The following SUSD4 variants were observed in gnomAD, a reference collection of about 807,000 sequenced individuals.
The protein encoded by SUSD4 is sushi domain-containing protein 4.
SUSD4 carries 41 observed loss-of-function variants against 50.5 expected under a neutral mutation model. The observed-to-expected ratio is 0.81, with a 90% confidence interval of 0.63 to 1.05. The LOEUF (loss-of-function observed/expected upper bound fraction) is 1.05. Among genes scored for constraint, SUSD4 ranks in the 50% least tolerant of loss-of-function variants. The pLI is 0.00. For missense variants in SUSD4, 580 were observed against 634.7 expected (o/e 0.91, Z 0.93); for synonymous variants, 257 against 257.3 (o/e 1.00, Z 0.01).
chr1:223,348,973 C>T (rs1460189983), intron 2 of SUSD4, among the ~76,000 whole-genome samples: 1 of 151,986 alleles, frequency 6.6e-6, no homozygotes, highest in Non-Finnish European at 1.5e-5. Context: ...AGCTCAGAAG[C>T]TCTGGGAGGT....
intron 2 of SUSD4, among the ~76,000 whole-genome samples, chr1:223,350,646 G>GATGCCCTT (rs1165197099): frequency 3.9e-5 from 6 of 152,228 alleles, no homozygotes; most frequent in Admixed American, 2.0e-4. Flanking sequence ...TATTCATACA[G>GATGCCCTT]TAGCAGGTCT....
chr1:223,363,752 T>G, intron 1 of SUSD4: 1 of 266,126 alleles, frequency 3.8e-6, no homozygotes, highest in East Asian at 7.5e-5. Context: ...ATTCAGCAGC[T>G]GTGCCCACCA....
intron 2 of SUSD4, among the ~76,000 whole-genome samples, chr1:223,341,592 C>T (rs1397257844): frequency 3.3e-5 from 5 of 152,158 alleles, no homozygotes; most frequent in South Asian, 2.1e-4. Flanking sequence ...GATCCACTGA[C>T]GGGGCACCCA....
At chr1:223,226,417 C>T (rs1659518938) in intron 7 of SUSD4, among the ~76,000 whole-genome samples, 2 of 152,178 alleles carry the variant, frequency 1.3e-5, no homozygotes, top group South Asian at 4.1e-4. Flanking sequence ...AGGGATGCAC[C>T]TATCAGGTTG....
At chr1:223,355,102 T>A (rs1347141568) in intron 2 of SUSD4, among the ~76,000 whole-genome samples, 1 of 147,118 alleles carries the variant, frequency 6.8e-6, no homozygotes, top group Non-Finnish European at 1.5e-5. Flanking sequence ...TCAGATGGAG[T>A]CTCGCTCTGT....
rs1261354325 is a variant in SUSD4 at position 223,231,619 on chromosome 1, G to A, written c.725-2231C>T. Among the ~76,000 whole-genome samples the A allele has an allele frequency of 6.6e-6, 1 of 152,242 alleles. No homozygotes were observed. The highest frequency in any genetic ancestry group is 2.4e-5 in the African/African-American group (1 of 41,458). On this transcript the variant is annotated intron_variant, in intron 5 of 8. Transcript: ENST00000366878. This position sits in a 1 kb window ranked among gnomAD's most constrained non-coding sequence, Gnocchi z 4.2. ...ATAAAGCAGAAGGAAGCAAAGGGAA[G>A]GACAGCTGATGAGGAACAGGGAGAG...
intron 3 of SUSD4, among the ~76,000 whole-genome samples, chr1:223,290,043 A>G (rs533428642): frequency 9.3e-4 from 141 of 152,246 alleles, no homozygotes; most frequent in Non-Finnish European, 9.1e-4. Context: ...TAAATGAAAT[A>G]GTGAATCTGA....
At chr1:223,343,462 A>G in intron 2 of SUSD4, among the ~76,000 whole-genome samples, 1 of 152,338 alleles carries the variant, frequency 6.6e-6, no homozygotes, top group East Asian at 1.9e-4. Context: ...GGTGAAAAAA[A>G]TTATAGGGTA....
At chr1:223,315,808 C>A (rs1666152901) in intron 2 of SUSD4, among the ~76,000 whole-genome samples, 1 of 152,158 alleles carries the variant, frequency 6.6e-6, no homozygotes, top group Non-Finnish European at 1.5e-5. Context: ...AGCACCTGAG[C>A]CTGAGTTTCA....
intron 3 of SUSD4, among the ~76,000 whole-genome samples, chr1:223,269,634 A>C (rs1402142803): frequency 6.6e-6 from 1 of 152,176 alleles, no homozygotes; most frequent in Non-Finnish European, 1.5e-5. Flanking sequence ...TTCTGGTTTT[A>C]TATGCATACG....
intron 5 of SUSD4, among the ~76,000 whole-genome samples, chr1:223,251,194 G>C (rs1392845215): frequency 6.6e-6 from 1 of 152,156 alleles, no homozygotes; most frequent in Non-Finnish European, 1.5e-5. Flanking sequence ...AAGAAAAAAG[G>C]TGTAATTGGC....
At chr1:223,316,263 T>C (rs1385361525) in intron 2 of SUSD4, among the ~76,000 whole-genome samples, 5 of 152,140 alleles carry the variant, frequency 3.3e-5, no homozygotes, top group African/African-American at 9.7e-5. Context: ...CAGAAATCAG[T>C]TGCTGGCACA....
intron 3 of SUSD4, among the ~76,000 whole-genome samples, chr1:223,277,523 C>T (rs1446336328): frequency 6.6e-6 from 1 of 152,058 alleles, no homozygotes; most frequent in Non-Finnish European, 1.5e-5. Flanking sequence ...AAAGAGGTCC[C>T]TGGGTGTGCC....
At chr1:223,311,984 T>C (rs546062397) in intron 2 of SUSD4, among the ~76,000 whole-genome samples, 2 of 152,216 alleles carry the variant, frequency 1.3e-5, no homozygotes, top group African/African-American at 4.8e-5. Flanking sequence ...GTTATTCCAG[T>C]GAGAAGCCTG....
At chr1:223,262,909 A>G (rs1662223235) in intron 5 of SUSD4, among the ~76,000 whole-genome samples, 1 of 152,220 alleles carries the variant, frequency 6.6e-6, no homozygotes, top group African/African-American at 2.4e-5. Context: ...GAAAGGGGAC[A>G]TGTTAGGCCA....
chr1:223,362,152 A>G (rs1669017886), intron 2 of SUSD4, among the ~76,000 whole-genome samples: 1 of 152,258 alleles, frequency 6.6e-6, no homozygotes, highest in South Asian at 2.1e-4. Flanking sequence ...TACTCTGGGC[A>G]TCTTTCAGAT....
chr1:223,246,196 G>T (rs759532006), intron 5 of SUSD4, among the ~76,000 whole-genome samples: 1 of 152,112 alleles, frequency 6.6e-6, no homozygotes, highest in Non-Finnish European at 1.5e-5. Flanking sequence ...AGACTAGGGC[G>T]CATCATGGAA....
chr1:223,301,313 C>G (rs1200412732), intron 2 of SUSD4, among the ~76,000 whole-genome samples: 1 of 152,232 alleles, frequency 6.6e-6, no homozygotes, highest in Non-Finnish European at 1.5e-5. Context: ...GGGATCCTGA[C>G]TTGTCACTTA....
intron 2 of SUSD4, among the ~76,000 whole-genome samples, chr1:223,298,113 G>A (rs538259373): frequency 2.6e-4 from 39 of 151,820 alleles, no homozygotes; most frequent in African/African-American, 7.0e-4. Flanking sequence ...TGGATGCATC[G>A]CTAGATGGAT....
Sources: gnomAD v4.1 joint callset for allele counts (sites outside exome capture counted in the v4.1 genomes callset) on GRCh38, gnomAD v4.1.1 for gene constraint, Gnocchi (gnomAD v3.1) non-coding constraint, MANE v1.5 for transcripts, NCBI Gene and HGNC (gene_info 2026-07-23, HGNC 2026-07-21) for gene names.